The following MAST1 variants were observed in gnomAD, a reference collection of about 807,000 sequenced individuals.
The protein encoded by MAST1 is microtubule associated serine/threonine kinase 1, also known as microtubule-associated serine/threonine-protein kinase 1.
In MAST1, 40 loss-of-function variants were observed where a neutral mutation model predicts 124.6. The ratio of observed to expected loss-of-function variants is 0.32; its 90% confidence interval spans 0.25 to 0.42. The LOEUF (loss-of-function observed/expected upper bound fraction) is 0.42, where lower values mean the gene tolerates loss of function less well. Ranked by LOEUF, MAST1 falls within the 10% of genes least tolerant of loss-of-function variation. MAST1 has a pLI of 1.00. For missense variants in MAST1, 1,558 were observed against 2,181.9 expected (o/e 0.71, Z 5.70); for synonymous variants, 938 against 939.4 (o/e 1.00, Z 0.03).
At chr19:12,840,555 TTGG>T in intron 2 of MAST1, 21 bp downstream of exon 2, 1 of 1,582,148 alleles carries the variant, frequency 6.3e-7, no homozygotes, top group Non-Finnish European at 8.7e-7. Flanking sequence ...TGGTAGAGAC[TTGG>T]TGGGTGCAGA....
chr19:12,840,421 C>A, intron 1 of MAST1, 25 bp from the exon 2 acceptor site: 2 of 1,536,272 alleles, frequency 1.3e-6, no homozygotes, highest in Non-Finnish European at 9.0e-7. Context: ...CCCGGCCCGG[C>A]CCCCCTGCCT....
rs779036736 is a variant in MAST1, at chr19:12,867,527, A to T, written c.2193A>T (p.Ala731=). Residue 731 remains alanine, a synonymous_variant, in exon 19 of 26, where the codon GCA becomes GCT. Transcript: ENST00000251472. ...LSQHEPKTPV[A]AAGSSKREPS... ...AGCACGAGCCCAAGACCCCAGTAGC[A>T]GCTGCAGGGAGCAGCAAGCGGGAGC... 2.5e-6 allele frequency: 4 copies of T among 1,613,798 alleles called. No individual in the cohort carries two copies. In the South Asian group the frequency reaches 3.3e-5, roughly 13 times the overall value.
intron 12 of MAST1, among the ~76,000 whole-genome samples, chr19:12,859,983 C>T (rs749276796): frequency 2.6e-5 from 4 of 151,624 alleles, no homozygotes; most frequent in Non-Finnish European, 5.9e-5. Context: ...ATTACAGGCA[C>T]GAGCCACCGA....
At chr19:12,868,102 G>GTTTTTTTTTTTTTTTTTTTTTTTTTTTTT in intron 20 of MAST1, 125 bp downstream of exon 20, 1 of 539,200 alleles carries the variant, frequency 1.9e-6, no homozygotes, top group African/African-American at 3.3e-5. Context: ...TGCAATTTGG[G>GTTTTTTTTTTTTTTTTTTTTTTTTTTTTT]ATTTTTTTTT....
At position 12,852,127 on chromosome 19, in the gene MAST1, G is replaced by A. The variant is rs749285795; in HGVS notation, c.889G>A (p.Glu297Lys). ...RLLECLEFNP[E>K]EFYHLLEAAE... ...TGCCCTGCCTCAGGAATTCAACCCCGAGGAGTTCTACCACCTGCTGGAGGC... is the reference window on the plus strand; with the variant it reads ...TGCCCTGCCTCAGGAATTCAACCCCAAGGAGTTCTACCACCTGCTGGAGGC... Residue 297 changes from glutamate to lysine, a missense_variant, in exon 9 of 26, where the codon GAG becomes AAG. Transcript: ENST00000251472. The A allele has an allele frequency of 6.2e-6, 10 of 1,613,750 alleles. No homozygotes were observed. The highest frequency in any genetic ancestry group is 1.7e-5 in the Admixed American group (1 of 59,998).
rs1450426340 is a variant in MAST1 at position 12,843,477 on chromosome 19, T to G, written c.249-52T>G. The G allele has an allele frequency of 4.8e-6, 7 of 1,458,152 alleles. No individual in the cohort carries two copies. In the African/African-American group the frequency reaches 8.4e-5, roughly 17 times the overall value. 90.3% of individuals were successfully genotyped at this position (1,458,152 alleles called of 1,614,324 possible). A position where few individuals can be genotyped will look rare whatever the true frequency, so the allele number is the denominator to read the frequency against. On this transcript the variant is annotated intron_variant, in intron 3 of 25. Transcript: ENST00000251472. The surrounding 1 kb of genome is among the most constrained non-coding windows in gnomAD (Gnocchi z 4.9). ...GTGGCTTCACCCACACCCTGAGGAG[T>G]TGGGGGACCGCTGGGGCCTTGTGGC...
chr19:12,852,668 G>A lies in MAST1; in HGVS notation c.1077+273G>A, dbSNP rs887974218. ...AGCCTAACCAACATGGAGAAACCCCGTTTCTACTTAAAAAAAAAAAAAATG... is the reference window on the plus strand; with the variant it reads ...AGCCTAACCAACATGGAGAAACCCCATTTCTACTTAAAAAAAAAAAAAATG... On this transcript the variant is annotated intron_variant, in intron 10 of 25. Coordinates refer to ENST00000251472, the MANE Select transcript of MAST1 (RefSeq NM_014975.3). Among the ~76,000 whole-genome samples, 9 of 136,762 alleles carry A rather than the reference G, an allele frequency of 6.6e-5. No homozygotes were observed. The South Asian group carries it at 7.4e-4, about 11-fold the overall frequency. 89.7% of individuals were successfully genotyped at this position (136,762 alleles called of 152,430 possible). A position where few individuals can be genotyped will look rare whatever the true frequency, so the allele number is the denominator to read the frequency against.
chr19:12,841,212 C>G lies in MAST1; in HGVS notation c.248+146C>G. On this transcript the variant is annotated intron_variant, in intron 3 of 25. Transcript: ENST00000251472. The surrounding 1 kb of genome is among the most constrained non-coding windows in gnomAD (Gnocchi z 4.3). ...GCCCCAAGGTCTCAGCGGGAAGGAGCGCCTAGCCTTCGGGGCGGGGCCTAT... is the reference window on the plus strand; with the variant it reads ...GCCCCAAGGTCTCAGCGGGAAGGAGGGCCTAGCCTTCGGGGCGGGGCCTAT... 1 of 585,076 alleles carries G rather than the reference C, an allele frequency of 1.7e-6. No individual in the cohort carries two copies. Among genetic ancestry groups the G allele is most frequent in the South Asian group, 2.1e-5 (1 of 48,208 alleles). 36.2% of individuals were successfully genotyped at this position (585,076 alleles called of 1,614,324 possible).
chr19:12,852,571 G>T (rs1251429606), intron 10 of MAST1, among the ~76,000 whole-genome samples, 176 bp downstream of exon 10: 1 of 152,024 alleles, frequency 6.6e-6, no homozygotes, highest in Non-Finnish European at 1.5e-5. Context: ...TGGCATGCTG[G>T]CTCATGCCTG....
chr19:12,852,439 G>C lies in MAST1; in HGVS notation c.1077+44G>C, dbSNP rs1456455643. 4 of 1,527,144 alleles carry C rather than the reference G, an allele frequency of 2.6e-6. No homozygotes were observed. In the East Asian group the frequency reaches 9.0e-5, roughly 34 times the overall value. 94.6% of individuals were successfully genotyped at this position (1,527,144 alleles called of 1,614,324 possible). A position where few individuals can be genotyped will look rare whatever the true frequency, so the allele number is the denominator to read the frequency against. On this transcript the variant is annotated intron_variant, in intron 10 of 25. Coordinates refer to ENST00000251472, the MANE Select transcript of MAST1 (RefSeq NM_014975.3). ...GCGGTCAGTACCCTGGTTCCTGGGA[G>C]GGCAGGGTGGGGCTCATCTCCGGCT...
rs1171751960 is a variant in MAST1, at chr19:12,874,736, G to T, written c.4579G>T (p.Val1527Phe). The part of the protein sequence containing the change: ...CSAPSSAVTP[V>F]PPASLLGSGT... ...TGCACCCAGCAGTGCAGTGACCCCA[G>T]TCCCACCCGCATCCCTCTTGGGCTC... The change falls in exon 26 of 26, where the codon GTC (valine) becomes TTC (phenylalanine). Residue 1527 changes from valine (V) to phenylalanine (F), a missense_variant. Coordinates refer to ENST00000251472, the MANE Select transcript of MAST1 (RefSeq NM_014975.3). This position sits in a 1 kb window ranked among gnomAD's most constrained non-coding sequence, Gnocchi z 6.6. The T allele has an allele frequency of 3.1e-6, 5 of 1,601,502 alleles. No homozygotes were observed. Among genetic ancestry groups the T allele is most frequent in the Non-Finnish European group, 4.3e-6 (5 of 1,170,692 alleles).
intron 7 of MAST1, among the ~76,000 whole-genome samples, chr19:12,849,923 G>A (rs994675751): frequency 1.3e-5 from 2 of 151,786 alleles, no homozygotes; most frequent in African/African-American, 4.8e-5. Context: ...TCAGCCTCCC[G>A]AGTAGCTGGG....
Position 12,841,023 on chromosome 19 carries a change from TC to T in MAST1, c.210del (p.Asn71ThrfsTer106). The T allele has an allele frequency of 1.3e-6, 2 of 1,485,436 alleles. No individual in the cohort carries two copies. Among genetic ancestry groups the T allele is most frequent in the Non-Finnish European group, 1.9e-6 (2 of 1,062,694 alleles). The allele number at this position is 1,485,436 out of a possible 1,614,324, so 92.0% of individuals were successfully genotyped here. A position where few individuals can be genotyped will look rare whatever the true frequency, so the allele number is the denominator to read the frequency against. Reference sequence around the variant, plus strand: ...TCCCCTGGACAGCCCCCGAAACTTCTCCCCCAACACCCCCGCCCACTTCTCG... The same window carrying T: ...TCCCCTGGACAGCCCCCGAAACTTCTCCCCAACACCCCCGCCCACTTCTCG... ...SSPLDSPRNF[S>X]PNTPAHFSFA... On this transcript the variant is annotated frameshift_variant, in exon 3 of 26. Transcript: ENST00000251472. LOFTEE classifies it high-confidence loss of function. The surrounding 1 kb of genome is among the most constrained non-coding windows in gnomAD (Gnocchi z 4.3).
Position 12,873,739 on chromosome 19 carries a change from G to T in MAST1, c.3582G>T (p.Ala1194=). 1 of 1,602,290 alleles carries T rather than the reference G, an allele frequency of 6.2e-7. No individual in the cohort carries two copies. The highest frequency in any genetic ancestry group is 8.5e-7 in the Non-Finnish European group (1 of 1,179,346). ...SPKLHRQYRS[A]RCKSAGNIPL... ...AGCTCCATCGCCAGTACCGCTCTGC[G>T]CGATGCAAGTCGGCCGGCAACATCC... Residue 1194 remains alanine, a synonymous_variant, in exon 26 of 26, where the codon GCG becomes GCT. Coordinates refer to ENST00000251472, the MANE Select transcript of MAST1 (RefSeq NM_014975.3).
chr19:12,862,225 G>A (rs55730975), intron 12 of MAST1, among the ~76,000 whole-genome samples: 49,540 of 151,886 alleles, frequency 0.33, 8,541 homozygotes, highest in East Asian at 0.63. Flanking sequence ...GGCTGGTCTC[G>A]AATTCCTAGC....
chr19:12,862,760 C>T (rs1168921485), intron 12 of MAST1, among the ~76,000 whole-genome samples: 4 of 151,338 alleles, frequency 2.6e-5, no homozygotes, highest in South Asian at 4.2e-4. Context: ...CTCCTCCTCC[C>T]GGGTTCAAGC....
chr19:12,872,912 A>T (rs1317060982), intron 24 of MAST1, among the ~76,000 whole-genome samples: 1 of 152,098 alleles, frequency 6.6e-6, no homozygotes, highest in Non-Finnish European at 1.5e-5. Context: ...TCTCAAAAAA[A>T]AAAAAAAAAA....
intron 20 of MAST1, 80 bp downstream of exon 20, chr19:12,868,057 T>A (rs1181066674): frequency 7.0e-7 from 1 of 1,435,446 alleles, no homozygotes; most frequent in Non-Finnish European, 9.2e-7. Flanking sequence ...ACGAGCCTGG[T>A]GCTGTTTATG....
At chr19:12,852,499 T>A in intron 10 of MAST1, 104 bp downstream of exon 10, 3 of 1,085,802 alleles carry the variant, frequency 2.8e-6, no homozygotes, top group Non-Finnish European at 2.8e-6. Flanking sequence ...CTCTTGGTCC[T>A]ACACTCTGAG....
Sources: allele counts gnomAD v4.1 joint callset (sites outside exome capture counted in the v4.1 genomes callset), GRCh38; gene constraint gnomAD v4.1.1; non-coding constraint Gnocchi (gnomAD v3.1); transcripts MANE v1.5; gene names NCBI Gene and HGNC (gene_info 2026-07-23, HGNC 2026-07-21).